PPP2R2D: variants seen among roughly 807,000 people sequenced by gnomAD.
PPP2R2D encodes protein phosphatase 2 regulatory subunit Bdelta, also known as serine/threonine-protein phosphatase 2A 55 kDa regulatory subunit B delta isoform.
PPP2R2D carries 9 observed loss-of-function variants against 31.1 expected under a neutral mutation model. That is an observed-to-expected ratio of 0.29 (90% CI 0.17 to 0.51). PPP2R2D has a LOEUF of 0.51. Ranked by LOEUF, PPP2R2D falls within the 20% of genes least tolerant of loss-of-function variation. The pLI, the probability that PPP2R2D is intolerant of heterozygous loss-of-function variation, is 0.98. For missense variants in PPP2R2D, 391 were observed against 465.6 expected (o/e 0.84, Z 1.48); for synonymous variants, 179 against 172.6 (o/e 1.04, Z -0.29).
Position 131,905,381 on chromosome 10 carries a change from C to T in PPP2R2D, c.100+4051C>T, listed in dbSNP as rs1049258483. On this transcript the variant is annotated intron_variant, in intron 2 of 8. Coordinates refer to ENST00000455566, the MANE Select transcript of PPP2R2D (RefSeq NM_018461.5). The stretch of plus-strand genomic sequence containing the variant: ...ATTTTTTCTGCATGTTATGGAATCA[C>T]CTTCACCCAGCCCCTGCTCCCTCTC... Among the ~76,000 whole-genome samples the T allele has an allele frequency of 2.6e-3, 403 of 152,266 alleles. 1 individual carries two copies. The highest frequency in any genetic ancestry group is 4.4e-3 in the Non-Finnish European group (300 of 68,022).
intron 2 of PPP2R2D, among the ~76,000 whole-genome samples, chr10:131,924,490 T>C (rs561744703): frequency 1.8e-4 from 27 of 152,332 alleles, no homozygotes; most frequent in African/African-American, 5.8e-4. Context: ...ACCGTAAGTG[T>C]CCTTCTAGAC....
chr10:131,928,543 TAA>T (rs1413370164), intron 2 of PPP2R2D, among the ~76,000 whole-genome samples: 2 of 152,208 alleles, frequency 1.3e-5, no homozygotes, highest in Admixed American at 1.3e-4. Context: ...TTCAGGCTGG[TAA>T]TGTTATCTTT....
At chr10:131,952,182 T>G (rs1450786408) in intron 8 of PPP2R2D, among the ~76,000 whole-genome samples, 67 of 52,652 alleles carry the variant, frequency 1.3e-3, no homozygotes, top group Non-Finnish European at 1.8e-3. Flanking sequence ...GTGCAGGGGG[T>G]TTCACTGTCT....
intron 2 of PPP2R2D, among the ~76,000 whole-genome samples, chr10:131,927,152 C>G (rs2036122731): frequency 6.6e-6 from 1 of 151,954 alleles, no homozygotes; most frequent in Admixed American, 6.5e-5. Flanking sequence ...TAAGCAGATT[C>G]ATTAATGGGA....
At chr10:131,914,779 A>G (rs782367053) in intron 2 of PPP2R2D, among the ~76,000 whole-genome samples, 1 of 152,172 alleles carries the variant, frequency 6.6e-6, no homozygotes, top group Non-Finnish European at 1.5e-5. Context: ...CAGGGGTGAC[A>G]TCGGGGGTGC....
downstream of PPP2R2D, among the ~76,000 whole-genome samples, chr10:131,960,155 T>G (rs899130648): frequency 8.5e-5 from 13 of 152,246 alleles, no homozygotes; most frequent in African/African-American, 3.1e-4. Flanking sequence ...TCCACGCACC[T>G]ATGTCCGCAA....
At chr10:131,935,240 A>G (rs1245124852) in intron 3 of PPP2R2D, among the ~76,000 whole-genome samples, 3 of 152,260 alleles carry the variant, frequency 2.0e-5, no homozygotes, top group South Asian at 2.1e-4. Context: ...ATGATTTGGT[A>G]GTCAAGGATT....
intron 2 of PPP2R2D, among the ~76,000 whole-genome samples, chr10:131,926,685 T>C (rs572954449): frequency 6.6e-6 from 1 of 152,292 alleles, no homozygotes; most frequent in Admixed American, 6.5e-5. Flanking sequence ...CAGAGAAGTT[T>C]TATGTGAAGG....
At chr10:131,969,772 C>G in the PPP2R2D span, 1 of 149,248 alleles carries the variant, frequency 6.7e-6, no homozygotes, top group African/African-American at 2.6e-5. Flanking sequence ...CTGGGACCAG[C>G]CCGAGGAGGA....
At chr10:131,908,805 T>C (rs1035875071) in intron 2 of PPP2R2D, among the ~76,000 whole-genome samples, 4 of 152,168 alleles carry the variant, frequency 2.6e-5, no homozygotes, top group African/African-American at 9.7e-5. Context: ...CATAGGAAAA[T>C]AGCTGACTCT....
chr10:131,961,141 G>A (rs145757673), downstream of PPP2R2D, among the ~76,000 whole-genome samples: 1,045 of 152,346 alleles, frequency 6.9e-3, 13 homozygotes, highest in African/African-American at 0.024. Context: ...ACCACCTTCA[G>A]ACGCTGCCCG....
At position 131,909,128 on chromosome 10, in the gene PPP2R2D, C is replaced by A. The variant is rs1449740177; in HGVS notation, c.100+7798C>A. On this transcript the variant is annotated intron_variant, in intron 2 of 8. Coordinates refer to ENST00000455566, the MANE Select transcript of PPP2R2D (RefSeq NM_018461.5). ...AGGAAGGGAAGGGGAGGAGAATGTTCCAGGTGGAGAGTGCTTGGTGTGGAG... is the reference window on the plus strand; with the variant it reads ...AGGAAGGGAAGGGGAGGAGAATGTTACAGGTGGAGAGTGCTTGGTGTGGAG... Among the ~76,000 whole-genome samples, 5 of 152,084 alleles carry A rather than the reference C, an allele frequency of 3.3e-5. No homozygotes were observed. The South Asian group carries it at 1.0e-3, about 32-fold the overall frequency.
rs946144813 is a variant in PPP2R2D, at chr10:131,911,018, T to C, written c.100+9688T>C. ...CATCACCTCAGTGTCCTCTGTAGTC[T>C]CCTTTATAATAAACCGCTAAACTAA... On this transcript the variant is annotated intron_variant, in intron 2 of 8. Coordinates refer to ENST00000455566, the MANE Select transcript of PPP2R2D (RefSeq NM_018461.5). Among the ~76,000 whole-genome samples, 399 of 152,272 alleles carry C rather than the reference T, an allele frequency of 2.6e-3. 5 individuals carry two copies. The highest frequency in any genetic ancestry group is 9.1e-3 in the African/African-American group (377 of 41,548).
At chr10:131,916,435 T>C (rs1554893079) in intron 2 of PPP2R2D, among the ~76,000 whole-genome samples, 1 of 151,890 alleles carries the variant, frequency 6.6e-6, no homozygotes, top group Non-Finnish European at 1.5e-5. Flanking sequence ...AGTTGCGTGG[T>C]GGTAAATGCA....
rs2036884655 is a variant in PPP2R2D, at chr10:131,959,313, G to GTGGAGATGAAGGCGTGTGCTGATCCC, written c.*3350_*3351insTGGAGATGAAGGCGTGTGCTGATCCC. On this transcript the variant is annotated 3_prime_UTR_variant, in exon 9 of 9. Transcript: ENST00000455566. ...TGGAGATGAAGGCGTGTGCTGATCC[G>GTGGAGATGAAGGCGTGTGCTGATCCC]CCATCCCCCTGTGGAGATGAAGGCG... 2 of 74,930 alleles carry GTGGAGATGAAGGCGTGTGCTGATCCC rather than the reference G, an allele frequency of 2.7e-5. No individual in the cohort carries two copies. Among genetic ancestry groups the GTGGAGATGAAGGCGTGTGCTGATCCC allele is most frequent in the African/African-American group, 5.4e-5 (1 of 18,660 alleles). 4.6% of individuals were successfully genotyped at this position (74,930 alleles called of 1,614,324 possible).
rs568070082 is a variant in PPP2R2D at position 131,921,612 on chromosome 10, A to G, written c.101-12846A>G. Among the ~76,000 whole-genome samples the G allele has an allele frequency of 1.9e-3, 287 of 152,296 alleles. 1 individual carries two copies. The highest frequency in any genetic ancestry group is 3.4e-3 in the Middle Eastern group (1 of 294). ...TAAGATGAGCATTTTGGTCTTTACT[A>G]AGGGCAGTGAGGATTCAAAACAGCA... is the stretch of plus-strand genomic sequence containing the variant. On this transcript the variant is annotated intron_variant, in intron 2 of 8. Coordinates refer to ENST00000455566, the MANE Select transcript of PPP2R2D (RefSeq NM_018461.5).
chr10:131,940,293 C>G, intron 4 of PPP2R2D, 97 bp downstream of exon 4: 1 of 566,440 alleles, frequency 1.8e-6, no homozygotes, highest in Non-Finnish European at 3.2e-6. Context: ...GTTATTCCTG[C>G]TTTAAATTTT....
the PPP2R2D span, chr10:131,969,254 C>T: frequency 1.3e-5 from 2 of 152,454 alleles, no homozygotes; most frequent in African/African-American, 4.8e-5. Flanking sequence ...GTGGCAGCAT[C>T]AGGCTCTGAA....
intron 2 of PPP2R2D, among the ~76,000 whole-genome samples, chr10:131,930,985 C>T (rs1169239299): frequency 6.6e-6 from 1 of 152,220 alleles, no homozygotes; most frequent in East Asian, 1.9e-4. Flanking sequence ...CCTCCTCTTT[C>T]CTTCTTTAGC....
Sources: gnomAD v4.1 joint callset for allele counts (sites outside exome capture counted in the v4.1 genomes callset) on GRCh38, gnomAD v4.1.1 for gene constraint, MANE v1.5 for transcripts, NCBI Gene and HGNC (gene_info 2026-07-23, HGNC 2026-07-21) for gene names.